CRPPA: variants seen among roughly 807,000 people sequenced by gnomAD.
CRPPA encodes D-ribitol-5-phosphate cytidylyltransferase.
In CRPPA, 43 loss-of-function variants were observed where a neutral mutation model predicts 52.0. The observed-to-expected ratio is 0.83, with a 90% confidence interval of 0.65 to 1.07. CRPPA has a LOEUF of 1.07. Ranked by LOEUF, CRPPA falls within the 50% of genes least tolerant of loss-of-function variation. CRPPA has a pLI of 0.00. For synonymous variants in CRPPA, 250 were observed against 203.5 expected, an observed-to-expected ratio of 1.23 and a Z score of -1.94; for missense variants, 629 against 551.7, an observed-to-expected ratio of 1.14 and a Z score of -1.40.
chr7:16,232,010 T>C (rs1918265), intron 8 of CRPPA, among the ~76,000 whole-genome samples: 37,143 of 152,058 alleles, frequency 0.24, 5,026 homozygotes, highest in South Asian at 0.48. Context: ...GTAGACAGAA[T>C]AGAGTCACAG....
intron 6 of CRPPA, among the ~76,000 whole-genome samples, chr7:16,273,385 A>C (rs1463092699): frequency 6.6e-6 from 1 of 152,004 alleles, no homozygotes; most frequent in Admixed American, 6.5e-5. Flanking sequence ...GTGGAACAGC[A>C]GGGGCCAGAA....
At chr7:16,405,979 A>T in intron 2 of CRPPA, 82 bp downstream of exon 2, 1 of 1,272,902 alleles carries the variant, frequency 7.9e-7, no homozygotes, top group Non-Finnish European at 1.1e-6. Context: ...TTGACATTTA[A>T]ACAGAATTGA....
chr7:16,314,191 T>A (rs1257910748), intron 3 of CRPPA, among the ~76,000 whole-genome samples: 3 of 150,476 alleles, frequency 2.0e-5, no homozygotes, highest in African/African-American at 7.5e-5. Flanking sequence ...TGTTGTTAGA[T>A]GTGTACACAT....
intron 9 of CRPPA, among the ~76,000 whole-genome samples, chr7:16,214,710 T>G (rs1782257536): frequency 6.6e-6 from 1 of 152,172 alleles, no homozygotes; most frequent in Non-Finnish European, 1.5e-5. Context: ...TTTCACCGTG[T>G]TGGCCAGGCT....
chr7:16,305,194 A>C (rs1487131143), intron 4 of CRPPA, among the ~76,000 whole-genome samples: 1 of 152,218 alleles, frequency 6.6e-6, no homozygotes, highest in Non-Finnish European at 1.5e-5. Context: ...ATACCAAAAA[A>C]AGAAGTCAAA....
intron 5 of CRPPA, among the ~76,000 whole-genome samples, chr7:16,293,310 C>A (rs1270962214): frequency 6.9e-6 from 1 of 145,060 alleles, no homozygotes; most frequent in East Asian, 2.0e-4. Flanking sequence ...ATATCAAATC[C>A]AAAAGTAGCC....
intron 2 of CRPPA, among the ~76,000 whole-genome samples, chr7:16,404,828 G>A (rs751844827): frequency 1.8e-4 from 27 of 152,160 alleles, no homozygotes; most frequent in Non-Finnish European, 3.7e-4. Context: ...AGAGGAAGGA[G>A]TCAAGGGGGA....
At chr7:16,379,474 C>G (rs1460117195) in intron 2 of CRPPA, among the ~76,000 whole-genome samples, 2 of 152,144 alleles carry the variant, frequency 1.3e-5, no homozygotes, top group Non-Finnish European at 2.9e-5. Flanking sequence ...GCAATGTGGG[C>G]TCTTTTTTGG....
chr7:16,240,420 C>A (rs979457064), intron 8 of CRPPA, among the ~76,000 whole-genome samples: 1 of 151,566 alleles, frequency 6.6e-6, no homozygotes, highest in African/African-American at 2.4e-5. Flanking sequence ...TAAGTGCCAA[C>A]ATAAAAATTC....
intron 3 of CRPPA, among the ~76,000 whole-genome samples, chr7:16,343,771 C>G (rs1005502693): frequency 1.3e-5 from 2 of 152,204 alleles, no homozygotes; most frequent in African/African-American, 4.8e-5. Context: ...GGGCTGCGCA[C>G]ATGCCCAGGA....
chr7:16,176,276 T>C (rs549893476), intron 9 of CRPPA, among the ~76,000 whole-genome samples: 2 of 152,264 alleles, frequency 1.3e-5, no homozygotes, highest in East Asian at 1.9e-4. Context: ...CTAGAGGAAA[T>C]TATTTTTCCT....
chr7:16,286,070 T>TAATATTTAAAA (rs1784434938), intron 5 of CRPPA, among the ~76,000 whole-genome samples: 1 of 21,780 alleles, frequency 4.6e-5, no homozygotes, highest in Non-Finnish European at 7.9e-5. Flanking sequence ...TATATATATA[T>TAATATTTAAAA]ATATATATAT....
intron 8 of CRPPA, among the ~76,000 whole-genome samples, chr7:16,254,808 A>AGAAAGAAAGAAAGAAAGAAAGAAAGAAC (rs1783579763): frequency 7.0e-6 from 1 of 143,516 alleles, no homozygotes; most frequent in African/African-American, 2.6e-5. Context: ...AAAGAAAGAA[A>AGAAAGAAAGAAAGAAAGAAAGAAAGAAC]GAAAGAAAGA....
chr7:16,411,456 A>G (rs570885359), intron 1 of CRPPA, among the ~76,000 whole-genome samples: 74 of 152,132 alleles, frequency 4.9e-4, no homozygotes, highest in Non-Finnish European at 9.6e-4. Flanking sequence ...TTTATAGTCA[A>G]AAGCGCTCAA....
chr7:16,329,265 C>T (rs1047225273), intron 3 of CRPPA, among the ~76,000 whole-genome samples: 2 of 152,178 alleles, frequency 1.3e-5, no homozygotes, highest in African/African-American at 2.4e-5. Context: ...GACTTCATTG[C>T]TAGCATTTCT....
intron 1 of CRPPA, among the ~76,000 whole-genome samples, chr7:16,407,148 G>C (rs1163850353): frequency 6.6e-6 from 1 of 152,044 alleles, no homozygotes; most frequent in Non-Finnish European, 1.5e-5. Flanking sequence ...GCTAGTGTTT[G>C]TATTTTTTTA....
intron 3 of CRPPA, among the ~76,000 whole-genome samples, chr7:16,319,956 C>A (rs1785222414): frequency 6.6e-6 from 1 of 152,130 alleles, no homozygotes; most frequent in Non-Finnish European, 1.5e-5. Flanking sequence ...CTGCTAGGTC[C>A]TGGACTTTGA....
At chr7:16,389,212 T>A (rs2128314482) in intron 2 of CRPPA, among the ~76,000 whole-genome samples, 1 of 152,288 alleles carries the variant, frequency 6.6e-6, no homozygotes, top group South Asian at 2.1e-4. Flanking sequence ...TCCTCAAACT[T>A]GTCCAAAAAA....
chr7:16,262,976 T>C (rs1490720985), intron 6 of CRPPA, among the ~76,000 whole-genome samples: 1 of 152,184 alleles, frequency 6.6e-6, no homozygotes, highest in Non-Finnish European at 1.5e-5. Context: ...GAAGGAAGAT[T>C]TTATGAATGA....
Sources: gnomAD v4.1 joint callset for allele counts (sites outside exome capture counted in the v4.1 genomes callset) on GRCh38, gnomAD v4.1.1 for gene constraint, MANE v1.5 for transcripts, NCBI Gene and HGNC (gene_info 2026-07-23, HGNC 2026-07-21) for gene names.